The following MX1 variants were observed in gnomAD, a reference collection of about 807,000 sequenced individuals.
MX1 encodes MX dynamin like GTPase 1.
In MX1, 66 loss-of-function variants were observed where a neutral mutation model predicts 66.4. The observed-to-expected ratio is 0.99, with a 90% CI of 0.82 to 1.22. MX1 has a LOEUF of 1.22. MX1 is among the 50% of genes most tolerant of loss of function. The pLI is 0.00. For synonymous variants in MX1, 311 were observed against 318.1 expected (o/e 0.98, Z 0.24); for missense variants, 787 against 834.3 (o/e 0.94, Z 0.70).
In MX1 at chr21:41,449,162, C is replaced by T; in HGVS notation, c.1299C>T (p.Ile433=). ...QEGHKILSRK[I]QKFENQYRGR... ...GCCATAAAATTTTGAGTAGAAAAAT[C>T]CAGAAATTTGAAAATCAGTATCGTG... The change falls in exon 14 of 17, where the codon ATC becomes ATT. Residue 433 remains isoleucine, a synonymous_variant. Transcript: ENST00000398598. 1 of 1,611,398 alleles carries T rather than the reference C, an allele frequency of 6.2e-7. No individual in the cohort carries two copies. Among genetic ancestry groups the T allele is most frequent in the Non-Finnish European group, 8.5e-7 (1 of 1,179,192 alleles).
chr21:41,443,777 T>C lies in MX1; in HGVS notation c.930-11T>C. The C allele has an allele frequency of 1.9e-6, 3 of 1,614,092 alleles. No individual in the cohort carries two copies. In the South Asian group the frequency reaches 3.3e-5, roughly 18 times the overall value. The stretch of plus-strand genomic sequence containing the variant: ...CATCAAGGTGGAAATCGGTCCTGTG[T>C]TCTCTTCTAGGGATCTGCTGGAGGA... On this transcript the variant is annotated splice_polypyrimidine_tract_variant and intron_variant, in intron 10 of 16. Transcript: ENST00000398598.
intron 12 of MX1, 92 bp downstream of exon 12, chr21:41,445,662 C>A: frequency 6.5e-7 from 1 of 1,531,414 alleles, no homozygotes; most frequent in Non-Finnish European, 8.9e-7. Context: ...TTCACTCCCC[C>A]AAGGCTGATC....
chr21:41,432,239 T>G, intron 5 of MX1, 64 bp downstream of exon 5: 1 of 1,461,552 alleles, frequency 6.8e-7, no homozygotes, highest in East Asian at 2.3e-5. Context: ...AGGCTGCCCT[T>G]TTCTACAGCG....
At chr21:41,444,314 C>CTTTTTTTTTTTTT (rs1300035216) in intron 11 of MX1, among the ~76,000 whole-genome samples, 1 of 103,302 alleles carries the variant, frequency 9.7e-6, no homozygotes. Flanking sequence ...CTTTTCTTTT[C>CTTTTTTTTTTTTT]TTTCTTTTTT....
rs779773467 is a variant in MX1 at position 41,441,490 on chromosome 21, G to A, written c.731-226G>A. ...AGTGGACCCGGGTGAAGGAGCTTGG[G>A]GAGAGCCACATGCTGTTCTGGGAGG... On this transcript the variant is annotated intron_variant, in intron 9 of 16. Transcript: ENST00000398598. This position sits in a 1 kb window ranked among gnomAD's most constrained non-coding sequence, Gnocchi z 4.0. 1.7e-6 allele frequency: 1 copy of A among 582,732 alleles called. No individual in the cohort carries two copies. Among genetic ancestry groups the A allele is most frequent in the Non-Finnish European group, 3.1e-6 (1 of 326,006 alleles). The allele number at this position is 582,732 out of a possible 1,614,324, so 36.1% of individuals were successfully genotyped here.
upstream of MX1, among the ~76,000 whole-genome samples, chr21:41,421,578 C>T (rs139155786): frequency 7.0e-3 from 1,067 of 152,216 alleles, 17 homozygotes; most frequent in African/African-American, 0.024. Context: ...GAGATTAGGG[C>T]GTGGTGATGA....
At chr21:41,449,026 A>G (rs900279398) in intron 13 of MX1, 111 bp from the exon 14 acceptor site, 1 of 910,898 alleles carries the variant, frequency 1.1e-6, no homozygotes, top group Non-Finnish European at 1.6e-6. Flanking sequence ...ATTTGATACC[A>G]CTTTTTCTTG....
At chr21:41,443,535 G>A (rs469012) in intron 10 of MX1, 252,124 of 506,104 alleles carry the variant, frequency 0.5, 67,628 homozygotes, top group Non-Finnish European at 0.58. Flanking sequence ...TCTATAGTCA[G>A]ACACCATGAT....
At position 41,441,637 on chromosome 21, in the gene MX1, C is replaced by T; in HGVS notation, c.731-79C>T. The T allele has an allele frequency of 6.8e-7, 1 of 1,465,514 alleles. No homozygotes were observed. The highest frequency in any genetic ancestry group is 1.2e-5 in the South Asian group (1 of 86,744). 90.8% of individuals were successfully genotyped at this position (1,465,514 alleles called of 1,614,324 possible). The stretch of plus-strand genomic sequence containing the variant: ...AAGGATGGGAGGAAACCCTGGGAGG[C>T]CGGGGGCGTGAGCAGTTGTTCGTTC... On this transcript the variant is annotated intron_variant, in intron 9 of 16. Transcript: ENST00000398598. This position sits in a 1 kb window ranked among gnomAD's most constrained non-coding sequence, Gnocchi z 4.0.
intron 14 of MX1, chr21:41,449,545 G>A (rs968745615): frequency 1.9e-5 from 7 of 371,870 alleles, no homozygotes; most frequent in Admixed American, 4.5e-5. Flanking sequence ...TACAAATGCC[G>A]GTCACAAGTC....
rs1457984039 is a variant in MX1, at chr21:41,441,848, A to C, written c.863A>C (p.Asp288Ala). The C allele has an allele frequency of 1.2e-6, 2 of 1,614,078 alleles. No individual in the cohort carries two copies. Among genetic ancestry groups the C allele is most frequent in the African/African-American group, 1.3e-5 (1 of 74,912 alleles). Reference protein sequence around the residue: ...VKCRGQQEIQDQLSLSEALQR... With the variant: ...VKCRGQQEIQAQLSLSEALQR... The stretch of plus-strand genomic sequence containing the variant: ...TGCCGGGGCCAGCAGGAGATCCAGG[A>C]CCAGCTGAGCCTGTCCGAAGCCCTG... Residue 288 changes from aspartate to alanine, a missense_variant, in exon 10 of 17, where the codon GAC becomes GCC. Asp to Ala is a moderately radical substitution (Grantham distance 126). Transcript: ENST00000398598. This position sits in a 1 kb window ranked among gnomAD's most constrained non-coding sequence, Gnocchi z 4.0.
At chr21:41,442,016 TGTGTGTGTGC>T (rs943517645) in intron 10 of MX1, 102 bp downstream of exon 10, 16 of 1,102,074 alleles carry the variant, frequency 1.5e-5, no homozygotes, top group African/African-American at 3.1e-5. Context: ...AGTGTGTGTG[TGTGTGTGTGC>T]GTGTGTGTGT....
At chr21:41,447,035 TAG>T (rs2090682667) in intron 13 of MX1, among the ~76,000 whole-genome samples, 2 of 152,198 alleles carry the variant, frequency 1.3e-5, no homozygotes, top group Non-Finnish European at 2.9e-5. Context: ...TGTCTGTGTG[TAG>T]CGGTTGGCTT....
At position 41,452,615 on chromosome 21, in the gene MX1, C is replaced by T; in HGVS notation, c.1510-6C>T. On this transcript the variant is annotated splice_region_variant and splice_polypyrimidine_tract_variant and intron_variant, in intron 15 of 16. Transcript: ENST00000398598. Reference sequence around the variant, plus strand: ...GGAAACTGTATTTATTTATTTTTTACTGTAGTCCAAAATTGAAGACATTAG... The same window carrying T: ...GGAAACTGTATTTATTTATTTTTTATTGTAGTCCAAAATTGAAGACATTAG... 7 of 1,589,482 alleles carry T rather than the reference C, an allele frequency of 4.4e-6. No individual in the cohort carries two copies. The highest frequency in any genetic ancestry group is 2.3e-5 in the South Asian group (2 of 86,574).
At chr21:41,426,012 C>G (rs979477416), upstream of MX1, 1 of 156,494 alleles carries the variant, frequency 6.4e-6, no homozygotes, top group Non-Finnish European at 1.4e-5. Context: ...GATCCTCAGA[C>G]GGGCCTGATG....
chr21:41,429,822 C>A (rs1601467606), intron 3 of MX1: 1 of 148,076 alleles, frequency 6.8e-6, no homozygotes, highest in Middle Eastern at 3.6e-3. Flanking sequence ...GCAGGATAAT[C>A]GCTTGAACCC....
At chr21:41,448,664 G>A (rs2090731844) in intron 13 of MX1, among the ~76,000 whole-genome samples, 1 of 152,048 alleles carries the variant, frequency 6.6e-6, no homozygotes, top group African/African-American at 2.4e-5. Context: ...AAATTAGCCG[G>A]GCGTGGTGGC....
chr21:41,445,525 C>G lies in MX1; in HGVS notation c.1086C>G (p.Val362=). The G allele has an allele frequency of 6.2e-7, 1 of 1,614,068 alleles. No individual in the cohort carries two copies. Among genetic ancestry groups the G allele is most frequent in the Non-Finnish European group, 8.5e-7 (1 of 1,180,012 alleles). Residue 362 remains valine, a synonymous_variant, in exon 12 of 17, where the codon GTC becomes GTG. Coordinates refer to ENST00000398598, the MANE Select transcript of MX1 (RefSeq NM_002462.5). The stretch of plus-strand genomic sequence containing the variant: ...CAGAGGAGCTACAAAAGTATGGTGT[C>G]GACATACCGGAAGACGAAAATGAAA... ...RITEELQKYG[V]DIPEDENEKM... is the part of the protein sequence containing the mutation.
intron 16 of MX1, among the ~76,000 whole-genome samples, chr21:41,455,909 T>C (rs2090947398): frequency 1.3e-5 from 2 of 152,236 alleles, no homozygotes; most frequent in South Asian, 4.1e-4. Context: ...TATATTAGGA[T>C]TGTGCAGGGA....
Sources: allele counts gnomAD v4.1 joint callset (sites outside exome capture counted in the v4.1 genomes callset), GRCh38; gene constraint gnomAD v4.1.1; non-coding constraint Gnocchi (gnomAD v3.1); transcripts MANE v1.5; gene names NCBI Gene and HGNC (gene_info 2026-07-23, HGNC 2026-07-21).